CUX1: variants seen among roughly 807,000 people sequenced by gnomAD.
CUX1 encodes protein CASP.
A neutral mutation model predicts 158.8 loss-of-function variants in CUX1; 31 were observed. The ratio of observed to expected loss-of-function variants is 0.20; its 90% CI spans 0.15 to 0.26. The LOEUF (loss-of-function observed/expected upper bound fraction) is 0.26, where lower values mean the gene tolerates loss of function less well. Among genes scored for constraint, CUX1 ranks in the 10% least tolerant of loss-of-function variants. The pLI is 1.00. For synonymous variants in CUX1, 879 were observed against 862.1 expected, an observed-to-expected ratio of 1.02 and a Z score of -0.34; for missense variants, 1,589 against 2,014.6, an observed-to-expected ratio of 0.79 and a Z score of 4.04.
At chr7:102,186,404 C>A (rs1303330915) in intron 11 of CUX1, among the ~76,000 whole-genome samples, 1 of 151,964 alleles carries the variant, frequency 6.6e-6, no homozygotes, top group African/African-American at 2.4e-5. Context: ...GTTCAACTGC[C>A]CCTAGGTAGA....
At chr7:102,013,034 G>A (rs1406498679) in intron 2 of CUX1, among the ~76,000 whole-genome samples, 1 of 151,436 alleles carries the variant, frequency 6.6e-6, no homozygotes. Flanking sequence ...TGTGGTGTTC[G>A]CTAAGATGTA....
At chr7:101,840,308 A>G (rs554073314) in intron 1 of CUX1, among the ~76,000 whole-genome samples, 2 of 152,270 alleles carry the variant, frequency 1.3e-5, no homozygotes, top group Non-Finnish European at 1.5e-5. Flanking sequence ...ACTCAATTAC[A>G]TGGTGGTGGT....
rs1554520502 is a variant in CUX1, at chr7:102,204,374, G to T, written c.2908-17G>T. On this transcript the variant is annotated splice_polypyrimidine_tract_variant and intron_variant, in intron 18 of 23. Transcript: ENST00000292535. Reference sequence around the variant, plus strand: ...ATAGCCAGGCACTGATGGCCTGTGTGTTCGGTGCCACTCCAGGTGCTGGGC... The same window carrying T: ...ATAGCCAGGCACTGATGGCCTGTGTTTTCGGTGCCACTCCAGGTGCTGGGC... 1 of 1,612,448 alleles carries T rather than the reference G, an allele frequency of 6.2e-7. No individual in the cohort carries two copies. The highest frequency in any genetic ancestry group is 2.2e-5 in the East Asian group (1 of 44,890).
At chr7:102,268,938 T>C (rs1791004416) in intron 14 of CUX1, among the ~76,000 whole-genome samples, 1 of 77,134 alleles carries the variant, frequency 1.3e-5, no homozygotes. Flanking sequence ...GGGGATTAAT[T>C]ACTTTTTTTT....
At chr7:101,901,981 A>T (rs1584929852) in intron 1 of CUX1, among the ~76,000 whole-genome samples, 1 of 152,228 alleles carries the variant, frequency 6.6e-6, no homozygotes, top group Admixed American at 6.5e-5. Context: ...TAGGAGGAAA[A>T]CATTTTTACC....
At chr7:101,980,342 C>CA (rs775636128) in intron 2 of CUX1, among the ~76,000 whole-genome samples, 18 of 151,638 alleles carry the variant, frequency 1.2e-4, no homozygotes, top group South Asian at 6.3e-4. Flanking sequence ...CCTGTTTCTC[C>CA]AAAAAAAATG....
At chr7:102,218,204 C>T (rs377564692) in intron 20 of CUX1, among the ~76,000 whole-genome samples, 27 of 152,332 alleles carry the variant, frequency 1.8e-4, no homozygotes, top group African/African-American at 5.3e-4. Context: ...TTCGGCCTCC[C>T]GCTTTGGTTA....
chr7:101,867,810 A>G (rs1798085072), intron 1 of CUX1, among the ~76,000 whole-genome samples: 1 of 152,012 alleles, frequency 6.6e-6, no homozygotes, highest in African/African-American at 2.4e-5. Flanking sequence ...TCAAAGTCCA[A>G]ATGCAACTTT....
At chr7:101,888,223 C>T (rs986456956) in intron 1 of CUX1, among the ~76,000 whole-genome samples, 4 of 151,898 alleles carry the variant, frequency 2.6e-5, no homozygotes, top group African/African-American at 4.8e-5. Context: ...TCCAGCTACT[C>T]GGGAGGCTGA....
chr7:102,009,937 T>C (rs1419220853), intron 2 of CUX1, among the ~76,000 whole-genome samples: 1 of 152,224 alleles, frequency 6.6e-6, no homozygotes, highest in Non-Finnish European at 1.5e-5. Context: ...AATCCCTGGT[T>C]GGTACATGTT....
chr7:101,914,621 C>T (rs2129083384), intron 1 of CUX1, among the ~76,000 whole-genome samples: 1 of 151,988 alleles, frequency 6.6e-6, no homozygotes, highest in East Asian at 1.9e-4. Flanking sequence ...GCCTCAGCCT[C>T]CTGAGTAGCT....
At chr7:101,910,667 C>T (rs1803321871) in intron 1 of CUX1, among the ~76,000 whole-genome samples, 1 of 151,692 alleles carries the variant, frequency 6.6e-6, no homozygotes, top group African/African-American at 2.4e-5. Context: ...GGGTCTTGAA[C>T]CCTGGAGGTG....
chr7:101,969,982 C>CAA (rs34167642), intron 2 of CUX1, among the ~76,000 whole-genome samples: 3,314 of 55,600 alleles, frequency 0.06, 422 homozygotes, highest in Non-Finnish European at 0.079. Flanking sequence ...GAGTTAGCAC[C>CAA]AAAAAAAAAA....
chr7:102,109,536 C>T (rs1830682385), intron 6 of CUX1, among the ~76,000 whole-genome samples: 1 of 152,124 alleles, frequency 6.6e-6, no homozygotes, highest in South Asian at 2.1e-4. Flanking sequence ...GCAATTTCAG[C>T]ACTTTGGGAG....
chr7:102,270,600 C>T (rs782424810), intron 14 of CUX1, among the ~76,000 whole-genome samples: 17 of 152,228 alleles, frequency 1.1e-4, no homozygotes, highest in Non-Finnish European at 2.4e-4. Context: ...AATTCTGCTG[C>T]CCGTGCAACT....
intron 8 of CUX1, among the ~76,000 whole-genome samples, chr7:102,117,682 G>T (rs910619501): frequency 4.6e-5 from 7 of 152,190 alleles, no homozygotes; most frequent in African/African-American, 1.2e-4. Flanking sequence ...TCAGGGGAGC[G>T]CAGGGAAAGA....
At chr7:101,988,488 G>C (rs1465645812) in intron 2 of CUX1, among the ~76,000 whole-genome samples, 1 of 152,154 alleles carries the variant, frequency 6.6e-6, no homozygotes, top group Non-Finnish European at 1.5e-5. Context: ...CCACAGATCT[G>C]TGTCCCCAGG....
At chr7:102,245,073 C>T (rs1308266315) in intron 23 of CUX1, among the ~76,000 whole-genome samples, 3 of 152,118 alleles carry the variant, frequency 2.0e-5, no homozygotes, top group Non-Finnish European at 4.4e-5. Context: ...GAAAGGGTCT[C>T]GCTCTGTCGC....
At chr7:102,275,098 C>G in intron 16 of CUX1, 1 of 593,162 alleles carries the variant, frequency 1.7e-6, no homozygotes, top group East Asian at 3.1e-5. Flanking sequence ...CTTCCCCGAC[C>G]TGCCCAGCAC....
Sources: gnomAD v4.1 joint callset for allele counts (sites outside exome capture counted in the v4.1 genomes callset) on GRCh38, gnomAD v4.1.1 for gene constraint, MANE v1.5 for transcripts, NCBI Gene and HGNC (gene_info 2026-07-23, HGNC 2026-07-21) for gene names.